The following ERBB4 variants were observed in gnomAD, a reference collection of about 807,000 sequenced individuals.
ERBB4 encodes erb-b2 receptor tyrosine kinase 4.
In ERBB4, 42 loss-of-function variants were observed where a neutral mutation model predicts 158.0. That is an observed-to-expected ratio of 0.27 (90% CI 0.21 to 0.34). The LOEUF (loss-of-function observed/expected upper bound fraction) is 0.34, where lower values mean the gene tolerates loss of function less well. ERBB4 is among the 10% of genes least tolerant of loss of function. ERBB4 has a pLI of 1.00. For synonymous variants in ERBB4, 583 were observed against 558.7 expected (o/e 1.04, Z -0.61); for missense variants, 1,333 against 1,624.1 (o/e 0.82, Z 3.08).
intron 4 of ERBB4, among the ~76,000 whole-genome samples, chr2:211,768,219 G>A (rs1424630886): frequency 6.6e-6 from 1 of 152,192 alleles, no homozygotes; most frequent in Non-Finnish European, 1.5e-5. Context: ...GCAAGAGGTG[G>A]GCTCTGAAGG....
intron 20 of ERBB4, among the ~76,000 whole-genome samples, chr2:211,435,509 C>T (rs1300932431): frequency 9.9e-5 from 15 of 152,190 alleles, no homozygotes; most frequent in Admixed American, 9.8e-4. Context: ...TGGAGCAGCA[C>T]TGGTCTGTGG....
At chr2:211,524,833 C>A (rs1276795786) in intron 20 of ERBB4, among the ~76,000 whole-genome samples, 1 of 152,160 alleles carries the variant, frequency 6.6e-6, no homozygotes, top group African/African-American at 2.4e-5. Context: ...CACAGTGCAG[C>A]GGTGGGCTGA....
intron 1 of ERBB4, among the ~76,000 whole-genome samples, chr2:212,485,711 T>G (rs1214156093): frequency 6.6e-6 from 1 of 152,156 alleles, no homozygotes; most frequent in Non-Finnish European, 1.5e-5. Context: ...TACAAACAAA[T>G]AAGTTTATTA....
intron 2 of ERBB4, among the ~76,000 whole-genome samples, chr2:212,060,799 G>A (rs996039156): frequency 2.0e-5 from 3 of 149,372 alleles, no homozygotes; most frequent in East Asian, 2.1e-4. Context: ...ATCACACACC[G>A]GGGCCTGTCA....
chr2:211,648,271 G>T (rs950371422), intron 16 of ERBB4, among the ~76,000 whole-genome samples: 30 of 151,494 alleles, frequency 2.0e-4, no homozygotes, highest in African/African-American at 6.5e-4. Flanking sequence ...AAAAACCCAG[G>T]TGTCATTGGT....
chr2:212,311,368 G>C (rs1253428306), intron 1 of ERBB4, among the ~76,000 whole-genome samples: 2 of 150,684 alleles, frequency 1.3e-5, no homozygotes, highest in Non-Finnish European at 3.0e-5. Flanking sequence ...AAAAGAAACA[G>C]ATATGGAAGA....
chr2:211,722,611 G>T, intron 6 of ERBB4, 77 bp from the exon 7 acceptor site: 1 of 1,423,284 alleles, frequency 7.0e-7, no homozygotes, highest in Non-Finnish European at 9.9e-7. Context: ...CAAAACAGGA[G>T]AAGTTTTTTT....
chr2:212,283,775 G>A (rs762416163), intron 1 of ERBB4, among the ~76,000 whole-genome samples: 1 of 151,948 alleles, frequency 6.6e-6, no homozygotes, highest in East Asian at 1.9e-4. Flanking sequence ...AATGGCTCAG[G>A]TGAAAAATAG....
chr2:212,221,951 C>G (rs1336620136), intron 1 of ERBB4, among the ~76,000 whole-genome samples: 3 of 151,424 alleles, frequency 2.0e-5, no homozygotes, highest in Non-Finnish European at 3.0e-5. Context: ...TCTTAATTCT[C>G]TTTTTCAAAG....
chr2:211,987,561 G>A (rs1469049134), intron 2 of ERBB4, among the ~76,000 whole-genome samples: 1 of 151,900 alleles, frequency 6.6e-6, no homozygotes, highest in African/African-American at 2.4e-5. Flanking sequence ...TGTAAGAAAA[G>A]GAAGGAAAGA....
Position 211,407,449 on chromosome 2 carries a change from A to G in ERBB4, c.3135+12992T>C, listed in dbSNP as rs61556178. 4.6e-3 allele frequency among the ~76,000 whole-genome samples: 701 copies of G among 152,306 alleles called. 7 individuals carry two copies. Among genetic ancestry groups the G allele is most frequent in the African/African-American group, 0.016 (662 of 41,558 alleles). ...TTTTTTTCTTCCCAGGGAGGGAAAC[A>G]ATTAAGTATGAATGTTGCTAAACAA... On this transcript the variant is annotated intron_variant, in intron 25 of 27. Coordinates refer to ENST00000342788, the MANE Select transcript of ERBB4 (RefSeq NM_005235.3).
At chr2:212,330,014 C>G (rs1268650150) in intron 1 of ERBB4, among the ~76,000 whole-genome samples, 2 of 151,966 alleles carry the variant, frequency 1.3e-5, no homozygotes, top group Admixed American at 1.3e-4. Flanking sequence ...CCCCAGTAAC[C>G]TTTTCCAAAA....
chr2:212,064,529 C>A lies in ERBB4; in HGVS notation c.234+60223G>T, dbSNP rs374925374. Among the ~76,000 whole-genome samples, 392 of 152,260 alleles carry A rather than the reference C, an allele frequency of 2.6e-3. 1 individual carries two copies. The highest frequency in any genetic ancestry group is 9.0e-3 in the African/African-American group (376 of 41,574). ...TACTCCACTCGGCCTTCTGGGTTCTCTCTTGGCAGAGTCTTCCTTCTCTTT... is the reference window on the plus strand; with the variant it reads ...TACTCCACTCGGCCTTCTGGGTTCTATCTTGGCAGAGTCTTCCTTCTCTTT... On this transcript the variant is annotated intron_variant, in intron 2 of 27. Coordinates refer to ENST00000342788, the MANE Select transcript of ERBB4 (RefSeq NM_005235.3).
rs771472796 is a variant in ERBB4, at chr2:212,058,648, A to G, written c.234+66104T>C. On this transcript the variant is annotated intron_variant, in intron 2 of 27. Transcript: ENST00000342788. ...AGGCTGGTTCAACATACGCAAATCA[A>G]TCAACGTAATACAGCATATAAAAAG... Among the ~76,000 whole-genome samples the G allele has an allele frequency of 1.6e-3, 242 of 152,326 alleles. 1 individual carries two copies. The highest frequency in any genetic ancestry group is 2.0e-3 in the Non-Finnish European group (136 of 68,020).
intron 1 of ERBB4, among the ~76,000 whole-genome samples, chr2:212,275,909 C>T (rs759213363): frequency 1.1e-4 from 16 of 151,808 alleles, no homozygotes; most frequent in Non-Finnish European, 4.4e-5. Context: ...CAAGACCCAT[C>T]GGTGTGCTGT....
At chr2:212,215,500 A>G (rs1475031093) in intron 1 of ERBB4, among the ~76,000 whole-genome samples, 1 of 151,428 alleles carries the variant, frequency 6.6e-6, no homozygotes. Flanking sequence ...TAATATTTCA[A>G]CATAAGTCTG....
At chr2:211,642,090 C>G (rs2070617197) in intron 16 of ERBB4, among the ~76,000 whole-genome samples, 2 of 151,976 alleles carry the variant, frequency 1.3e-5, no homozygotes, top group Admixed American at 6.6e-5. Context: ...GTATTTGGAA[C>G]AATTTTGGAA....
chr2:211,666,078 A>C, intron 14 of ERBB4, among the ~76,000 whole-genome samples: 1 of 152,214 alleles, frequency 6.6e-6, no homozygotes, highest in East Asian at 1.9e-4. Flanking sequence ...TGAATTTTAA[A>C]ATTTGTTATG....
At chr2:211,997,510 T>A (rs568573304) in intron 2 of ERBB4, among the ~76,000 whole-genome samples, 7 of 152,246 alleles carry the variant, frequency 4.6e-5, no homozygotes, top group Admixed American at 6.5e-5. Context: ...TAATATCAAA[T>A]AATCATTGAA....
Sources: gnomAD v4.1 joint callset for allele counts (sites outside exome capture counted in the v4.1 genomes callset) on GRCh38, gnomAD v4.1.1 for gene constraint, MANE v1.5 for transcripts, NCBI Gene and HGNC (gene_info 2026-07-23, HGNC 2026-07-21) for gene names.